EYA3: variants seen among roughly 807,000 people sequenced by gnomAD.
EYA3 encodes EYA transcriptional coactivator and phosphatase 3.
In EYA3, 39 loss-of-function variants were observed where a neutral mutation model predicts 80.0. That is an observed-to-expected ratio of 0.49 (90% confidence interval 0.38 to 0.64). EYA3 has a LOEUF of 0.64. Among genes scored for constraint, EYA3 ranks in the 30% least tolerant of loss-of-function variants. EYA3 has a pLI of 0.00. For synonymous variants in EYA3, 206 were observed against 232.8 expected, an observed-to-expected ratio of 0.88 and a Z score of 1.05; for missense variants, 523 against 676.1, an observed-to-expected ratio of 0.77 and a Z score of 2.51.
chr1:27,994,759 G>C (rs1023608633), intron 13 of EYA3, among the ~76,000 whole-genome samples: 3 of 151,988 alleles, frequency 2.0e-5, no homozygotes, highest in African/African-American at 7.2e-5. Context: ...TTGAGGCCAG[G>C]AGTTTGAGAC....
chr1:28,058,047 T>C lies in EYA3; in HGVS notation c.-21A>G. ...TCCATGAGGACCAATATTTCTTTAT[T>C]ATACTTATGTGACTGGATTGCAAGT... On this transcript the variant is annotated 5_prime_UTR_variant, in exon 2 of 18. In the 5' UTR this introduces an upstream ATG that the reference lacks. Transcript: ENST00000373871. The C allele has an allele frequency of 1.3e-6, 2 of 1,569,102 alleles. No homozygotes were observed. Among genetic ancestry groups the C allele is most frequent in the Non-Finnish European group, 1.7e-6 (2 of 1,154,772 alleles).
intron 6 of EYA3, among the ~76,000 whole-genome samples, chr1:28,034,672 G>T (rs1223167961): frequency 6.6e-6 from 1 of 152,122 alleles, no homozygotes; most frequent in Non-Finnish European, 1.5e-5. Flanking sequence ...AGCCAAACAG[G>T]TCAGGAGAAA....
At chr1:27,995,735 C>T (rs1640410160) in intron 13 of EYA3, among the ~76,000 whole-genome samples, 1 of 150,886 alleles carries the variant, frequency 6.6e-6, no homozygotes, top group African/African-American at 2.4e-5. Context: ...TAAAAATGAA[C>T]AAAGAAATTG....
chr1:28,032,365 T>C (rs1200889553), intron 6 of EYA3, among the ~76,000 whole-genome samples: 1 of 152,226 alleles, frequency 6.6e-6, no homozygotes, highest in Admixed American at 6.5e-5. Flanking sequence ...ATTCAAGTTT[T>C]AGGTTTTCAG....
chr1:28,036,043 G>T (rs557568343), intron 5 of EYA3, among the ~76,000 whole-genome samples: 3 of 152,094 alleles, frequency 2.0e-5, no homozygotes, highest in Non-Finnish European at 4.4e-5. Context: ...TCGAACTCCC[G>T]ACCTCAAGTG....
chr1:28,011,398 A>C (rs2148789990), intron 9 of EYA3, among the ~76,000 whole-genome samples: 1 of 152,324 alleles, frequency 6.6e-6, no homozygotes, highest in East Asian at 1.9e-4. Context: ...AGAGTTTCTC[A>C]ACCTGGCACA....
intron 17 of EYA3, chr1:27,977,139 AC>A: frequency 2.1e-6 from 3 of 1,419,024 alleles, no homozygotes; most frequent in Non-Finnish European, 2.8e-6. Context: ...GCCTACACCC[AC>A]TAGTGTCTTT....
At chr1:28,007,182 C>T in intron 10 of EYA3, among the ~76,000 whole-genome samples, 1 of 151,782 alleles carries the variant, frequency 6.6e-6, no homozygotes, top group Non-Finnish European at 1.5e-5. Context: ...AATTCCTGAC[C>T]TCAGGTGATC....
chr1:28,066,250 T>G (rs1644833651), intron 1 of EYA3, among the ~76,000 whole-genome samples: 1 of 152,176 alleles, frequency 6.6e-6, no homozygotes, highest in African/African-American at 2.4e-5. Context: ...TGTGAAATTT[T>G]CCATTTAATA....
Position 27,971,882 on chromosome 1 carries a change from G to GT in EYA3, c.*2583dup, listed in dbSNP as rs1251138473. On this transcript the variant is annotated 3_prime_UTR_variant, in exon 18 of 18. Transcript: ENST00000373871. ...TTTGGCAAACAGCCAAGAAGCTCCT[G>GT]TTTTCTCTCTTCCATTTAAATGAGG... 2.6e-5 allele frequency: 4 copies of GT among 152,184 alleles called. No homozygotes were observed. Among genetic ancestry groups the GT allele is most frequent in the Admixed American group, 6.6e-5 (1 of 15,262 alleles). 9.4% of individuals were successfully genotyped at this position (152,184 alleles called of 1,614,324 possible). A position where few individuals can be genotyped will look rare whatever the true frequency, so the allele number is the denominator to read the frequency against.
chr1:28,065,932 C>T (rs930618725), intron 1 of EYA3, among the ~76,000 whole-genome samples: 9 of 151,760 alleles, frequency 5.9e-5, no homozygotes, highest in Non-Finnish European at 1.3e-4. Context: ...GAACCAGGAC[C>T]CGGGAGGCGG....
chr1:27,992,384 G>A (rs1640134192), intron 14 of EYA3, among the ~76,000 whole-genome samples: 1 of 152,100 alleles, frequency 6.6e-6, no homozygotes, highest in African/African-American at 2.4e-5. Context: ...TCACAATAGG[G>A]TTTGTACTCC....
chr1:28,003,100 CAAAAAAA>C lies in EYA3; in HGVS notation c.993+1229_993+1235del, dbSNP rs1181469791. Among the ~76,000 whole-genome samples, 15 of 61,304 alleles carry C rather than the reference CAAAAAAA, an allele frequency of 2.4e-4. No individual in the cohort carries two copies. The East Asian group carries it at 3.7e-3, about 15-fold the overall frequency. 40.2% of individuals were successfully genotyped at this position (61,304 alleles called of 152,430 possible). ...TGAAACCCTGTCTCTACTAAAAATA[CAAAAAAA>C]AAAAAAAAAAAAATTAGCTGGGCGT... On this transcript the variant is annotated intron_variant, in intron 11 of 17. Transcript: ENST00000373871.
In EYA3 at chr1:27,990,850, A is replaced by ATT. The variant is rs113205149; in HGVS notation, c.1304-1041_1304-1040dup. ...ACAGGTGTGAGCCACCGTGCCTGGC[A>ATT]TTTTTTTTTTTTTTAATTTCTCTTC... On this transcript the variant is annotated intron_variant, in intron 14 of 17. Transcript: ENST00000373871. Among the ~76,000 whole-genome samples the ATT allele has an allele frequency of 3.3e-3, 456 of 140,148 alleles. 2 individuals carry two copies. The highest frequency in any genetic ancestry group is 0.011 in the African/African-American group (420 of 38,418). The allele number at this position is 140,148 out of a possible 152,430, so 91.9% of individuals were successfully genotyped here.
intron 1 of EYA3, among the ~76,000 whole-genome samples, chr1:28,073,103 T>TTCTCTCTCTATATATATATATATATATA (rs1447435853): frequency 2.6e-5 from 1 of 37,762 alleles, no homozygotes; most frequent in Non-Finnish European, 4.3e-5. Context: ...GATGAAACTA[T>TTCTCTCTCTATATATATATATATATATA]TATATATATA....
At chr1:28,022,359 AG>A (rs1194182232) in intron 7 of EYA3, among the ~76,000 whole-genome samples, 2 of 151,904 alleles carry the variant, frequency 1.3e-5, no homozygotes, top group Non-Finnish European at 2.9e-5. Flanking sequence ...CATGTTAGCC[AG>A]GATGGTCTCG....
chr1:27,999,830 T>C, intron 12 of EYA3, 130 bp downstream of exon 12: 1 of 589,762 alleles, frequency 1.7e-6, no homozygotes, highest in Non-Finnish European at 2.9e-6. Context: ...TATGTATGCC[T>C]TAGTGGCCAG....
intron 16 of EYA3, among the ~76,000 whole-genome samples, chr1:27,982,453 T>A (rs1482513803): frequency 4.6e-5 from 7 of 150,898 alleles, no homozygotes; most frequent in Non-Finnish European, 8.9e-5. Context: ...ACCCTTATAG[T>A]TGCTCTAGAT....
rs1256443130 is a variant in EYA3 at position 27,971,847 on chromosome 1, G to A, written c.*2619C>T. ...ATTACAGAGAGCACTGTGTTCCCTG[G>A]ACAATTCATTTTGGCAAACAGCCAA... On this transcript the variant is annotated 3_prime_UTR_variant, in exon 18 of 18. Coordinates refer to ENST00000373871, the MANE Select transcript of EYA3 (RefSeq NM_001990.4). The A allele has an allele frequency of 6.6e-6, 1 of 152,034 alleles. No homozygotes were observed. The highest frequency in any genetic ancestry group is 2.4e-5 in the African/African-American group (1 of 41,384). 9.4% of individuals were successfully genotyped at this position (152,034 alleles called of 1,614,324 possible).
Sources: gnomAD v4.1 joint callset for allele counts (sites outside exome capture counted in the v4.1 genomes callset) on GRCh38, gnomAD v4.1.1 for gene constraint, MANE v1.5 for transcripts, NCBI Gene and HGNC (gene_info 2026-07-23, HGNC 2026-07-21) for gene names.